Variants in GLDC observed in about 807,000 individuals in gnomAD.
GLDC encodes the protein glycine decarboxylase.
In GLDC, 104 loss-of-function variants were observed where a neutral mutation model predicts 121.3. That is an observed-to-expected ratio of 0.86 (90% CI 0.73 to 1.01). The LOEUF is 1.01. Ranked by LOEUF, GLDC falls within the 50% of genes least tolerant of loss-of-function variation. The pLI is 0.00. For synonymous variants in GLDC, 546 were observed against 480.6 expected (o/e 1.14, Z -1.78); for missense variants, 1,429 against 1,306.6 (o/e 1.09, Z -1.44).
At chr9:6,610,471 T>C (rs1275889263) in intron 3 of GLDC, 115 bp from the exon 4 acceptor site, 2 of 915,634 alleles carry the variant, frequency 2.2e-6, no homozygotes, top group African/African-American at 3.3e-5. Flanking sequence ...TGAGGAGAAT[T>C]ACATAACACA....
At position 6,594,330 on chromosome 9, in the gene GLDC, C is replaced by T. The variant is rs951353624; in HGVS notation, c.1261+684G>A. On this transcript the variant is annotated intron_variant, in intron 9 of 24. Transcript: ENST00000321612. ...TGTTCATCCTTCTTATGTTTGGGGC[C>T]GGTAGGAAAGTAAGAGTTCTACATA... 3.9e-5 allele frequency among the ~76,000 whole-genome samples: 6 copies of T among 151,914 alleles called. No individual in the cohort carries two copies. The South Asian group carries it at 6.2e-4, about 16-fold the overall frequency.
chr9:6,643,778 A>G (rs1002850484), intron 2 of GLDC, among the ~76,000 whole-genome samples: 1 of 152,064 alleles, frequency 6.6e-6, no homozygotes, highest in Admixed American at 6.6e-5. Context: ...TCGTGCCTGT[A>G]ATCCCAGCAT....
At chr9:6,603,616 C>T (rs1818665704) in intron 7 of GLDC, among the ~76,000 whole-genome samples, 2 of 152,138 alleles carry the variant, frequency 1.3e-5, no homozygotes, top group African/African-American at 4.8e-5. Context: ...TCAGCTTACT[C>T]ACTTATGTTA....
chr9:6,534,287 C>G (rs988675503), intron 24 of GLDC: 1 of 226,734 alleles, frequency 4.4e-6, no homozygotes, highest in African/African-American at 2.2e-5. Flanking sequence ...TATACTATTA[C>G]TGCATAGATC....
At chr9:6,556,054 C>T (rs555940043) in intron 18 of GLDC, 99 bp downstream of exon 18, 3 of 982,144 alleles carry the variant, frequency 3.1e-6, no homozygotes, top group Non-Finnish European at 4.7e-6. Flanking sequence ...GGTCTGAGTT[C>T]CCTCAGGCAG....
intron 12 of GLDC, 67 bp from the exon 13 acceptor site, chr9:6,588,769 C>T (rs77712643): frequency 1.5e-5 from 14 of 919,436 alleles, no homozygotes; most frequent in African/African-American, 1.5e-4. Context: ...ATCCTCCTGA[C>T]ATATAAGACA....
intron 15 of GLDC, among the ~76,000 whole-genome samples, chr9:6,571,858 T>C (rs900202630): frequency 2.6e-4 from 39 of 152,194 alleles, no homozygotes; most frequent in Admixed American, 2.0e-3. Flanking sequence ...AGATCACACA[T>C]AGATCAATGG....
intron 14 of GLDC, 27 bp from the exon 15 acceptor site, chr9:6,587,310 T>C: frequency 1.3e-6 from 2 of 1,538,360 alleles, no homozygotes; most frequent in South Asian, 1.1e-5. Context: ...CAAAAATGCA[T>C]ATATACATAT....
chr9:6,612,097 C>T (rs943415742), intron 3 of GLDC, among the ~76,000 whole-genome samples: 2 of 151,970 alleles, frequency 1.3e-5, no homozygotes, highest in South Asian at 4.2e-4. Context: ...TCCAGTTCAC[C>T]ACCCACTTAG....
At chr9:6,584,008 T>C (rs1473207043) in intron 15 of GLDC, among the ~76,000 whole-genome samples, 1 of 152,192 alleles carries the variant, frequency 6.6e-6, no homozygotes, top group African/African-American at 2.4e-5. Flanking sequence ...CACTTAAAAA[T>C]ACGTAAAGCA....
intron 17 of GLDC, 33 bp downstream of exon 17, chr9:6,558,526 G>A: frequency 6.2e-7 from 1 of 1,612,336 alleles, no homozygotes; most frequent in Non-Finnish European, 8.5e-7. Context: ...CCCCATCCCG[G>A]CCTCTCCCAT....
At chr9:6,598,053 G>A (rs1412962688) in intron 8 of GLDC, among the ~76,000 whole-genome samples, 2 of 152,144 alleles carry the variant, frequency 1.3e-5, no homozygotes, top group East Asian at 3.8e-4. Context: ...TGTAGAGGTG[G>A]GGTCTGATTC....
chr9:6,602,312 T>C (rs1044626653), intron 7 of GLDC, 107 bp from the exon 8 acceptor site: 1 of 735,110 alleles, frequency 1.4e-6, no homozygotes, highest in Non-Finnish European at 2.5e-6. Flanking sequence ...ATTCAGCAAA[T>C]GCACTTGGGT....
At chr9:6,586,689 C>G (rs143779589) in intron 15 of GLDC, among the ~76,000 whole-genome samples, 77 of 152,250 alleles carry the variant, frequency 5.1e-4, no homozygotes, top group African/African-American at 1.8e-3. Flanking sequence ...AAATTCACAC[C>G]CAGGTGTTGT....
chr9:6,554,059 T>G (rs1027163155), intron 19 of GLDC, among the ~76,000 whole-genome samples: 5 of 152,182 alleles, frequency 3.3e-5, no homozygotes, highest in Non-Finnish European at 7.3e-5. Context: ...AACTGACTTC[T>G]TTAGCATATT....
chr9:6,565,759 G>C, intron 15 of GLDC: 1 of 545,298 alleles, frequency 1.8e-6, no homozygotes, highest in South Asian at 2.5e-5. Flanking sequence ...ATACAGTGAA[G>C]AACAAAAGGA....
At chr9:6,541,977 C>G (rs552044938) in intron 21 of GLDC, 1 of 150,984 alleles carries the variant, frequency 6.6e-6, no homozygotes, top group South Asian at 2.1e-4. Context: ...CGCGGTGGCT[C>G]AAGCCTGTAA....
chr9:6,566,991 C>CG (rs1230842695), intron 15 of GLDC, among the ~76,000 whole-genome samples: 1 of 152,142 alleles, frequency 6.6e-6, no homozygotes, highest in Non-Finnish European at 1.5e-5. Context: ...CCCAGAGCTA[C>CG]GGGCTCCCTT....
At position 6,602,138 on chromosome 9, in the gene GLDC, T is replaced by C. The variant is rs774093619; in HGVS notation, c.1126A>G (p.Lys376Glu). Residue 376 changes from lysine (K) to glutamate (E), a missense_variant, in exon 8 of 25, where the codon AAG becomes GAG. By Grantham distance (56) the Lys-to-Glu change is moderately conservative (BLOSUM62 1). Transcript: ENST00000321612. ...QTREQHIRRD[K>E]ATSNICTAQA... is the part of the protein sequence containing the mutation. Reference sequence around the variant, plus strand: ...GCTGTACAGATGTTGCTGGTAGCCTTGTCTCTCCGAATGTGTTGCTCCCTG... The same window carrying C: ...GCTGTACAGATGTTGCTGGTAGCCTCGTCTCTCCGAATGTGTTGCTCCCTG... 1.9e-6 allele frequency: 3 copies of C among 1,612,696 alleles called. No individual in the cohort carries two copies. Among genetic ancestry groups the C allele is most frequent in the Non-Finnish European group, 2.5e-6 (3 of 1,178,738 alleles).
Sources: allele counts gnomAD v4.1 joint callset (sites outside exome capture counted in the v4.1 genomes callset), GRCh38; gene constraint gnomAD v4.1.1; transcripts MANE v1.5; gene names NCBI Gene and HGNC (gene_info 2026-07-23, HGNC 2026-07-21).